Variants in ZNF814 observed in about 807,000 individuals in gnomAD.
ZNF814 encodes zinc finger protein 814.
In ZNF814, 5 loss-of-function variants were observed where a neutral mutation model predicts 7.5. That is an observed-to-expected ratio of 0.67 (90% CI 0.35 to 1.40). The LOEUF (loss-of-function observed/expected upper bound fraction) is 1.40. Ranked by LOEUF, ZNF814 falls within the 40% of genes most tolerant of loss-of-function variation. The pLI, the probability that ZNF814 is intolerant of heterozygous loss-of-function variation, is 0.04. For missense variants in ZNF814, 962 were observed against 1,018.0 expected, an observed-to-expected ratio of 0.94 and a Z score of 0.75; for synonymous variants, 315 against 340.7, an observed-to-expected ratio of 0.92 and a Z score of 0.83.
the ZNF814 span, among the ~76,000 whole-genome samples, chr19:57,900,140 T>C: frequency 6.6e-6 from 1 of 152,122 alleles, no homozygotes; most frequent in African/African-American, 2.4e-5. Context: ...TAAGCCTCAT[T>C]TGTGGGACCT....
chr19:57,873,091 T>C lies in ZNF814; in HGVS notation c.2299A>G (p.Thr767Ala), dbSNP rs1347985929. Reference sequence around the variant, plus strand: ...CTGCACTCATAAGGCTTTTCTCCAGTGTGAATTCGCTTATGAACACAGAAT... The same window carrying C: ...CTGCACTCATAAGGCTTTTCTCCAGCGTGAATTCGCTTATGAACACAGAAT... ...STFCVHKRIH[T>A]GEKPYECSEC... Residue 767 changes from threonine to alanine, a missense_variant, in exon 3 of 3, where the codon ACT becomes GCT. Around this residue, in one of 7 missense-constraint regions of ZNF814, gnomAD observed 665 missense variants for 551.4 expected, o/e 1.21. Transcript: ENST00000435989. The C allele has an allele frequency of 2.5e-6, 4 of 1,613,720 alleles. No individual in the cohort carries two copies. In the South Asian group the frequency reaches 4.4e-5, roughly 18 times the overall value.
upstream of ZNF814, among the ~76,000 whole-genome samples, chr19:57,891,340 A>G (rs2122480046): frequency 6.6e-6 from 1 of 152,016 alleles, no homozygotes; most frequent in East Asian, 1.9e-4. Flanking sequence ...CCTGGCTAAC[A>G]CGGTGAAATC....
chr19:57,904,385 T>C, the ZNF814 span, among the ~76,000 whole-genome samples: 4 of 152,196 alleles, frequency 2.6e-5, no homozygotes, highest in Non-Finnish European at 5.9e-5. Context: ...CCACCCTATG[T>C]ACTCTTGTCT....
chr19:57,896,094 C>T, the ZNF814 span, among the ~76,000 whole-genome samples: 2 of 149,952 alleles, frequency 1.3e-5, no homozygotes, highest in Non-Finnish European at 2.9e-5. This position sits in a 1 kb window ranked among gnomAD's most constrained non-coding sequence, Gnocchi z 4.2. Context: ...CCTCTTTGGC[C>T]AGTCGCCATG....
the ZNF814 span, among the ~76,000 whole-genome samples, chr19:57,897,861 C>T: frequency 6.6e-6 from 1 of 152,212 alleles, no homozygotes; most frequent in African/African-American, 2.4e-5. Flanking sequence ...AGTTCCTCAA[C>T]TCTGTGGTCT....
In ZNF814 at chr19:57,874,913, C is replaced by T; in HGVS notation, c.477G>A (p.Lys159=). 1 of 1,613,614 alleles carries T rather than the reference C, an allele frequency of 6.2e-7. No homozygotes were observed. Among genetic ancestry groups the T allele is most frequent in the Non-Finnish European group, 8.5e-7 (1 of 1,179,478 alleles). ...CCCCTGACACATGCAACTTACACCT[C>T]TTTGCAAACAACGCCTCCTCAACAC... ...RGSVEEALFA[K]RCKLHVSGES... is the part of the protein sequence containing the mutation. The change falls in exon 3 of 3, where the codon AAG becomes AAA. Residue 159 remains lysine, a synonymous_variant. Transcript: ENST00000435989.
intron 1 of ZNF814, chr19:57,885,772 T>G (rs181430412): frequency 1.3e-5 from 2 of 151,790 alleles, no homozygotes; most frequent in African/African-American, 4.8e-5. Flanking sequence ...ACAACCTAAT[T>G]GTACATTTTT....
In ZNF814 at chr19:57,887,677, A is replaced by AC. The variant is rs1242580781; in HGVS notation, c.36+1089dup. Among the ~76,000 whole-genome samples, 5 of 151,414 alleles carry AC rather than the reference A, an allele frequency of 3.3e-5. 1 individual carries two copies. The East Asian group carries it at 9.7e-4, about 29-fold the overall frequency. ...ACAAGACATTAAGGACTCCTTACCC[A>AC]CCCCCCTTTCCTCAAGGAGTTAACT... On this transcript the variant is annotated intron_variant, in intron 1 of 2. Coordinates refer to ENST00000435989, the MANE Select transcript of ZNF814 (RefSeq NM_001144989.2).
At chr19:57,896,229 G>A in the ZNF814 span, among the ~76,000 whole-genome samples, 1 of 151,642 alleles carries the variant, frequency 6.6e-6, no homozygotes, top group Non-Finnish European at 1.5e-5. The surrounding 1 kb of genome is among the most constrained non-coding windows in gnomAD (Gnocchi z 4.2). Flanking sequence ...TATAAAGAAG[G>A]AGCCAAAATT....
chr19:57,874,673 T>C lies in ZNF814; in HGVS notation c.717A>G (p.Glu239=). The change falls in exon 3 of 3, where the codon GAA becomes GAG. Residue 239 remains glutamate (E), a synonymous_variant. Transcript: ENST00000435989. ...LSQHQRLLTR[E]ECYVCCECGK... ...CACATTCACAGCACACATAACACTC[T>C]TCTCTAGTGAGCAGTCTCTGGTGCT... The C allele has an allele frequency of 6.4e-7, 1 of 1,561,570 alleles. No homozygotes were observed. Among genetic ancestry groups the C allele is most frequent in the Non-Finnish European group, 8.7e-7 (1 of 1,151,800 alleles).
At chr19:57,886,084 TA>T (rs2071691136) in intron 1 of ZNF814, 1 of 150,662 alleles carries the variant, frequency 6.6e-6, no homozygotes, top group Admixed American at 6.6e-5. Flanking sequence ...TTTTTAAAAA[TA>T]AAAAATAAAG....
At chr19:57,903,373 T>C in the ZNF814 span, among the ~76,000 whole-genome samples, 26 of 152,250 alleles carry the variant, frequency 1.7e-4, no homozygotes, top group Middle Eastern at 6.8e-3. Context: ...AAAATATAGT[T>C]AGTCAAATTA....
chr19:57,880,783 A>G (rs912527377), intron 1 of ZNF814, among the ~76,000 whole-genome samples: 3 of 144,390 alleles, frequency 2.1e-5, no homozygotes, highest in African/African-American at 8.0e-5. Context: ...ACACTCGACT[A>G]ATTTTTGTAT....
At chr19:57,900,839 ATTTTTTTTTTT>A in the ZNF814 span, among the ~76,000 whole-genome samples, 10 of 45,774 alleles carry the variant, frequency 2.2e-4, no homozygotes, top group Middle Eastern at 0.024. Context: ...CCATGGCTGC[ATTTTTTTTTTT>A]TTTTTTTTTT....
chr19:57,879,546 C>T (rs796184510), intron 1 of ZNF814, among the ~76,000 whole-genome samples: 3 of 148,500 alleles, frequency 2.0e-5, no homozygotes, highest in South Asian at 4.3e-4. Flanking sequence ...AGATTTACTA[C>T]CTTATTATGA....
Position 57,888,947 on chromosome 19 carries a change from A to G in ZNF814, c.-145T>C, listed in dbSNP as rs1193008702. On this transcript the variant is annotated 5_prime_UTR_variant, in exon 1 of 3. Coordinates refer to ENST00000435989, the MANE Select transcript of ZNF814 (RefSeq NM_001144989.2). ...GAGTAGCCTCTGTGCAGCGGAGGAC[A>G]ACTGCTCCCCGACTTCTGGGTTCAG... is the stretch of plus-strand genomic sequence containing the variant. 5 of 840,392 alleles carry G rather than the reference A, an allele frequency of 5.9e-6. No homozygotes were observed. The highest frequency in any genetic ancestry group is 5.0e-5 in the South Asian group (3 of 59,606). The allele number at this position is 840,392 out of a possible 1,614,324, so 52.1% of individuals were successfully genotyped here. A position where few individuals can be genotyped will look rare whatever the true frequency, so the allele number is the denominator to read the frequency against.
Position 57,888,757 on chromosome 19 carries a change from C to T in ZNF814, c.36+10G>A. 6.4e-7 allele frequency: 1 copy of T among 1,553,788 alleles called. No individual in the cohort carries two copies. The highest frequency in any genetic ancestry group is 8.7e-7 in the Non-Finnish European group (1 of 1,148,222). On this transcript the variant is annotated intron_variant, in intron 1 of 2. Transcript: ENST00000435989. Reference sequence around the variant, plus strand: ...AGGTGACCTGAGGACACAGAAGGCCCCACAATTACCTGAGCGGAGAGCCTC... The same window carrying T: ...AGGTGACCTGAGGACACAGAAGGCCTCACAATTACCTGAGCGGAGAGCCTC...
the ZNF814 span, among the ~76,000 whole-genome samples, chr19:57,895,111 A>T: frequency 6.6e-6 from 1 of 152,214 alleles, no homozygotes; most frequent in Non-Finnish European, 1.5e-5. Flanking sequence ...ATTAATGCAA[A>T]GTTGACATCC....
Position 57,874,881 on chromosome 19 carries a change from G to C in ZNF814, c.509C>G (p.Ser170Cys), listed in dbSNP as rs1455181755. ...RCKLHVSGES[S>C]VFSESGKDFL... The stretch of plus-strand genomic sequence containing the variant: ...GTCCTTCCCACTCTCACTGAAGACA[G>C]ATGACTCCCCTGACACATGCAACTT... The change falls in exon 3 of 3, where the codon TCT becomes TGT. Residue 170 changes from serine (S) to cysteine (C), a missense_variant. This residue lies in a region of ZNF814 where 126 missense variants were observed against 123.5 expected (regional missense o/e 1.02). Transcript: ENST00000435989. 1 of 1,614,012 alleles carries C rather than the reference G, an allele frequency of 6.2e-7. No homozygotes were observed. Among genetic ancestry groups the C allele is most frequent in the Admixed American group, 1.7e-5 (1 of 59,992 alleles).
Sources: gnomAD v4.1 joint callset for allele counts (sites outside exome capture counted in the v4.1 genomes callset) on GRCh38, gnomAD v4.1.1 for gene constraint, gnomAD v4.1.1 regional missense constraint, Gnocchi (gnomAD v3.1) non-coding constraint, MANE v1.5 for transcripts, NCBI Gene and HGNC (gene_info 2026-07-23, HGNC 2026-07-21) for gene names.